Variants in CDKAL1 observed in about 807,000 individuals in gnomAD.
The protein encoded by CDKAL1 is threonylcarbamoyladenosine tRNA methylthiotransferase.
In CDKAL1, 32 loss-of-function variants were observed where a neutral mutation model predicts 68.2. The ratio of observed to expected loss-of-function variants is 0.47; its 90% confidence interval spans 0.35 to 0.63. The LOEUF (loss-of-function observed/expected upper bound fraction) is 0.63. Ranked by LOEUF, CDKAL1 falls within the 30% of genes least tolerant of loss-of-function variation. The pLI is 0.00. For missense variants in CDKAL1, 606 were observed against 696.7 expected, an observed-to-expected ratio of 0.87 and a Z score of 1.47; for synonymous variants, 234 against 244.3, an observed-to-expected ratio of 0.96 and a Z score of 0.39.
At chr6:21,170,661 T>C (rs1159745629) in intron 13 of CDKAL1, among the ~76,000 whole-genome samples, 2 of 152,168 alleles carry the variant, frequency 1.3e-5, no homozygotes, top group Admixed American at 6.5e-5. Flanking sequence ...TTCTTTCTTA[T>C]TAAGTTTGGC....
At chr6:20,674,716 T>C (rs1245640595) in intron 5 of CDKAL1, among the ~76,000 whole-genome samples, 2 of 152,176 alleles carry the variant, frequency 1.3e-5, no homozygotes, top group Non-Finnish European at 2.9e-5. Flanking sequence ...TCTTTCTATC[T>C]TCTTTTCCCC....
intron 8 of CDKAL1, among the ~76,000 whole-genome samples, chr6:20,797,477 A>G (rs375262693): frequency 1.7e-4 from 26 of 152,344 alleles, no homozygotes; most frequent in African/African-American, 5.1e-4. Flanking sequence ...CATATGACGA[A>G]CGTCCTACTT....
chr6:21,230,159 TTG>T (rs1779901063), intron 15 of CDKAL1, among the ~76,000 whole-genome samples: 1 of 152,096 alleles, frequency 6.6e-6, no homozygotes, highest in Non-Finnish European at 1.5e-5. Flanking sequence ...TCCATGGTTG[TTG>T]GTTGGTTTGT....
intron 9 of CDKAL1, among the ~76,000 whole-genome samples, chr6:20,903,047 G>A (rs1391076341): frequency 2.6e-5 from 4 of 152,162 alleles, no homozygotes; most frequent in African/African-American, 4.8e-5. Flanking sequence ...GTTTGAATAT[G>A]TGACTTCAGG....
At chr6:20,891,883 GTCATCTGTTTTTCTTT>G (rs1163886785) in intron 9 of CDKAL1, among the ~76,000 whole-genome samples, 8 of 152,070 alleles carry the variant, frequency 5.3e-5, no homozygotes, top group Non-Finnish European at 1.2e-4. Context: ...TTTTCTCATG[GTCATCTGTTTTTCTTT>G]TTTAATTTTA....
In CDKAL1 at chr6:21,021,515, A is replaced by G. The variant is rs1768666958; in HGVS notation, c.1055+21143A>G. On this transcript the variant is annotated intron_variant, in intron 11 of 15. Coordinates refer to ENST00000274695, the MANE Select transcript of CDKAL1 (RefSeq NM_017774.3). ...ATATGAAGGAAAAAAAACATTGAAA[A>G]TATTTTATTTTCTTTCTACAGCTTT... 3.3e-5 allele frequency among the ~76,000 whole-genome samples: 5 copies of G among 152,208 alleles called. No homozygotes were observed. In the South Asian group the frequency reaches 1.0e-3, roughly 32 times the overall value.
chr6:20,885,996 C>G (rs1482467383), intron 9 of CDKAL1, among the ~76,000 whole-genome samples: 2 of 152,090 alleles, frequency 1.3e-5, no homozygotes, highest in Admixed American at 6.5e-5. Context: ...AAGATCATGC[C>G]ACGACACTCC....
chr6:20,646,864 C>T (rs776192380), intron 4 of CDKAL1, among the ~76,000 whole-genome samples: 3 of 152,146 alleles, frequency 2.0e-5, no homozygotes, highest in Non-Finnish European at 4.4e-5. Context: ...CTGCCTCAGC[C>T]TCCTGAGTAG....
intron 4 of CDKAL1, among the ~76,000 whole-genome samples, chr6:20,558,252 C>T (rs985970571): frequency 1.3e-5 from 2 of 152,118 alleles, no homozygotes; most frequent in African/African-American, 4.8e-5. Flanking sequence ...ATTGGATCAC[C>T]GAGCTGTATT....
intron 13 of CDKAL1, among the ~76,000 whole-genome samples, chr6:21,114,891 A>G (rs1223470143): frequency 6.6e-6 from 1 of 152,228 alleles, no homozygotes; most frequent in Admixed American, 6.5e-5. Context: ...CACACTTCCT[A>G]TGACTACCTT....
chr6:20,827,477 T>C (rs1272828310), intron 8 of CDKAL1, among the ~76,000 whole-genome samples: 2 of 152,194 alleles, frequency 1.3e-5, no homozygotes, highest in African/African-American at 2.4e-5. Flanking sequence ...ATTAAAAGTA[T>C]GTACTAAGAT....
At chr6:20,655,811 T>C (rs1769001309) in intron 5 of CDKAL1, among the ~76,000 whole-genome samples, 2 of 152,098 alleles carry the variant, frequency 1.3e-5, no homozygotes, top group African/African-American at 2.4e-5. Context: ...CTAAGGTCTC[T>C]GGCTAGAATG....
chr6:21,225,630 G>A (rs1343222361), intron 15 of CDKAL1, among the ~76,000 whole-genome samples: 1 of 152,174 alleles, frequency 6.6e-6, no homozygotes, highest in African/African-American at 2.4e-5. Flanking sequence ...AGAAAGGATA[G>A]CCAGGCTTAG....
intron 5 of CDKAL1, among the ~76,000 whole-genome samples, chr6:20,685,723 A>G (rs1770589279): frequency 6.6e-6 from 1 of 152,068 alleles, no homozygotes; most frequent in African/African-American, 2.4e-5. Context: ...TTTTGCTAGA[A>G]CCATAGGCAC....
chr6:20,949,347 G>A (rs79800092), intron 9 of CDKAL1, among the ~76,000 whole-genome samples: 2 of 152,114 alleles, frequency 1.3e-5, no homozygotes, highest in African/African-American at 4.8e-5. Context: ...ATTGTCCAAA[G>A]AATATTCATT....
chr6:20,914,183 G>A (rs912816694), intron 9 of CDKAL1, among the ~76,000 whole-genome samples: 6 of 151,860 alleles, frequency 4.0e-5, no homozygotes, highest in Admixed American at 1.3e-4. Context: ...CCAGCTACTC[G>A]GGAGGCTGAG....
chr6:21,123,158 A>G (rs1256395028), intron 13 of CDKAL1, among the ~76,000 whole-genome samples: 1 of 152,120 alleles, frequency 6.6e-6, no homozygotes. Context: ...AGTGTCTTTA[A>G]AACTCTGAAC....
At chr6:20,966,364 G>A (rs956233654) in intron 10 of CDKAL1, among the ~76,000 whole-genome samples, 3 of 152,112 alleles carry the variant, frequency 2.0e-5, no homozygotes, top group Non-Finnish European at 2.9e-5. Context: ...TCCTAAGTTG[G>A]AAACATAAGG....
intron 9 of CDKAL1, among the ~76,000 whole-genome samples, chr6:20,857,858 T>C (rs948047850): frequency 4.4e-4 from 67 of 152,244 alleles, no homozygotes; most frequent in African/African-American, 1.6e-3. Context: ...TTCAGATTCT[T>C]TTTGGGGAAT....
Sources: gnomAD v4.1 joint callset for allele counts (sites outside exome capture counted in the v4.1 genomes callset) on GRCh38, gnomAD v4.1.1 for gene constraint, MANE v1.5 for transcripts, NCBI Gene and HGNC (gene_info 2026-07-23, HGNC 2026-07-21) for gene names.